The following RALGDS variants were observed in gnomAD, a reference collection of about 807,000 sequenced individuals.
RALGDS encodes ral guanine nucleotide exchange factor.
In RALGDS, 44 loss-of-function variants were observed where a neutral mutation model predicts 99.8. That is an observed-to-expected ratio of 0.44 (90% CI 0.35 to 0.57). The LOEUF is 0.57. RALGDS is among the 20% of genes least tolerant of loss of function. The probability of loss-of-function intolerance (pLI) is 0.01; values close to 1 mark genes in which losing one functional copy is unlikely to be tolerated. For missense variants in RALGDS, 1,022 were observed against 1,203.1 expected, an observed-to-expected ratio of 0.85 and a Z score of 2.23; for synonymous variants, 529 against 505.0, an observed-to-expected ratio of 1.05 and a Z score of -0.64.
chr9:133,106,883 C>CGG lies in RALGDS; in HGVS notation c.1414-137_1414-136dup. The stretch of plus-strand genomic sequence containing the variant: ...GTCCCCAGAGGGCACGCCTGCGACC[C>CGG]GGGGGTGACAGGAGGATTTTAGCTC... On this transcript the variant is annotated intron_variant, in intron 7 of 17. Transcript: ENST00000372050. 5 of 913,798 alleles carry CGG rather than the reference C, an allele frequency of 5.5e-6. No individual in the cohort carries two copies. The South Asian group carries it at 7.2e-5, about 13-fold the overall frequency. 56.6% of individuals were successfully genotyped at this position (913,798 alleles called of 1,614,324 possible).
chr9:133,102,259 C>T (rs1830792452), intron 14 of RALGDS, 120 bp from the exon 15 acceptor site: 2 of 1,183,876 alleles, frequency 1.7e-6, no homozygotes, highest in Non-Finnish European at 2.4e-6. Context: ...GTACTCCATT[C>T]ACCACAGCCA....
At chr9:133,117,357 CTT>C (rs1034372094) in intron 1 of RALGDS, among the ~76,000 whole-genome samples, 2 of 152,232 alleles carry the variant, frequency 1.3e-5, no homozygotes, top group African/African-American at 2.4e-5. Flanking sequence ...GCATAGCTCT[CTT>C]CTCTCCAGAG....
At chr9:133,123,179 C>T (rs368211605), upstream of RALGDS, among the ~76,000 whole-genome samples, 5 of 152,134 alleles carry the variant, frequency 3.3e-5, no homozygotes, top group African/African-American at 9.7e-5. Context: ...ACACTGCCCT[C>T]GGCCCTAAGC....
chr9:133,122,223 GAGGA>G (rs542000655), upstream of RALGDS, among the ~76,000 whole-genome samples: 114 of 152,352 alleles, frequency 7.5e-4, 2 homozygotes, highest in Admixed American at 4.4e-3. Context: ...GGAAGCCAGT[GAGGA>G]AGGAAGACAG....
intron 9 of RALGDS, 113 bp from the exon 10 acceptor site, chr9:133,104,444 T>A: frequency 3.1e-6 from 3 of 976,980 alleles, no homozygotes; most frequent in Non-Finnish European, 4.9e-6. Context: ...GTATCAATAC[T>A]CACTAGTGTG....
Position 133,108,033 on chromosome 9 carries a change from C to T in RALGDS, c.1152G>A (p.Val384=). 1 of 1,613,526 alleles carries T rather than the reference C, an allele frequency of 6.2e-7. No homozygotes were observed. The change falls in exon 6 of 18, where the codon GTG becomes GTA. Residue 384 remains valine, a synonymous_variant. Coordinates refer to ENST00000372050, the MANE Select transcript of RALGDS (RefSeq NM_006266.4). ...GLSEEKPHLL[V]FPPDLVAEQF... is the part of the protein sequence containing the mutation. The stretch of plus-strand genomic sequence containing the variant: ...GCTCTGCCACCAGATCTGGAGGGAA[C>T]ACCAAGAGGTGAGGCTTCTCCTCAC...
intron 1 of RALGDS, among the ~76,000 whole-genome samples, chr9:133,118,216 C>T (rs1444409802): frequency 6.6e-6 from 1 of 152,206 alleles, no homozygotes; most frequent in East Asian, 1.9e-4. Flanking sequence ...CATGCAGGGA[C>T]ACACACCCAC....
chr9:133,132,643 C>CT (rs374598703), upstream of RALGDS, among the ~76,000 whole-genome samples: 2,757 of 148,528 alleles, frequency 0.019, 79 homozygotes, highest in African/African-American at 0.061. Flanking sequence ...TTCTTTTTTT[C>CT]TTTTTTTTTT....
At position 133,098,603 on chromosome 9, in the gene RALGDS, G is replaced by T; in HGVS notation, c.2729C>A (p.Ala910Asp). The change falls in exon 18 of 18, where the codon GCC becomes GAC. Residue 910 changes from alanine (A) to aspartate (D), a missense_variant. Ala to Asp is a moderately radical substitution (Grantham distance 126, BLOSUM62 -2). Coordinates refer to ENST00000372050, the MANE Select transcript of RALGDS (RefSeq NM_006266.4). ...PRMKQKGLKI[A>D]KGIF ...AGGATGCCCTCAGAAGATGCCCTTG[G>T]CAATCTTGAGTCCTTTCTGCTTCAT... 6.2e-7 allele frequency: 1 copy of T among 1,614,146 alleles called. No individual in the cohort carries two copies. The highest frequency in any genetic ancestry group is 8.5e-7 in the Non-Finnish European group (1 of 1,180,022).
chr9:133,132,100 G>A (rs1832343931), upstream of RALGDS, among the ~76,000 whole-genome samples: 1 of 152,214 alleles, frequency 6.6e-6, no homozygotes, highest in African/African-American at 2.4e-5. Flanking sequence ...ATGGCAGTCC[G>A]GGGTCTGCCC....
intron 9 of RALGDS, 36 bp downstream of exon 9, chr9:133,105,896 C>CCA (rs1564232288): frequency 1.6e-5 from 1 of 64,464 alleles, no homozygotes; most frequent in African/African-American, 7.4e-5. Flanking sequence ...CCCCAGCCCC[C>CCA]GCCCCAGCCC....
chr9:133,116,083 C>T (rs575480082), intron 1 of RALGDS, among the ~76,000 whole-genome samples: 8 of 152,358 alleles, frequency 5.3e-5, no homozygotes, highest in African/African-American at 1.9e-4. Context: ...CTTCTCAAGT[C>T]ATGAGCTCGG....
Position 133,108,351 on chromosome 9 carries a change from T to C in RALGDS, c.834A>G (p.Thr278=). The C allele has an allele frequency of 1.3e-6, 2 of 1,540,274 alleles. No individual in the cohort carries two copies. The highest frequency in any genetic ancestry group is 8.7e-7 in the Non-Finnish European group (1 of 1,146,890). ...GCACTGGGCTGGGTGCTCGAGCTGGTGTTAGAGCTAGCTCGAGCTCTGGAG... is the reference window on the plus strand; with the variant it reads ...GCACTGGGCTGGGTGCTCGAGCTGGCGTTAGAGCTAGCTCGAGCTCTGGAG... ...KPTPELELAL[T]PARAPSPVPA... The change falls in exon 6 of 18, where the codon ACA becomes ACG. Residue 278 remains threonine, a synonymous_variant. Transcript: ENST00000372050.
chr9:133,112,276 T>C (rs888687132), intron 1 of RALGDS, 124 bp from the exon 2 acceptor site: 6 of 703,148 alleles, frequency 8.5e-6, no homozygotes, highest in Non-Finnish European at 1.5e-5. Flanking sequence ...TGCACAGACC[T>C]ACAGCCTGGG....
chr9:133,119,081 G>A (rs1392061095), intron 1 of RALGDS, among the ~76,000 whole-genome samples: 6 of 152,236 alleles, frequency 3.9e-5, no homozygotes, highest in African/African-American at 9.6e-5. Context: ...GCTTAGAATC[G>A]GGAAGATAAG....
At chr9:133,136,719 C>A (rs1056649020) in intron 1 of RALGDS, among the ~76,000 whole-genome samples, 1 of 151,936 alleles carries the variant, frequency 6.6e-6, no homozygotes, top group African/African-American at 2.4e-5. Flanking sequence ...TTGCAGTGAC[C>A]AAGATCGTGC....
upstream of RALGDS, among the ~76,000 whole-genome samples, chr9:133,124,103 CACACAGACACACACATAGAGACAGAG>C (rs1832068883): frequency 1.6e-5 from 2 of 125,110 alleles, no homozygotes; most frequent in Non-Finnish European, 3.5e-5. Flanking sequence ...CAGAGATGCA[CACACAGACACACACATAGAGACAGAG>C]ACACAGACAC....
intron 11 of RALGDS, 136 bp from the exon 12 acceptor site, chr9:133,103,398 C>T (rs531796237): frequency 2.7e-4 from 300 of 1,118,956 alleles, no homozygotes; most frequent in Middle Eastern, 2.4e-3. Flanking sequence ...CGGTGCTGGG[C>T]ACCAGGGCAA....
At chr9:133,128,472 C>T (rs1588562876) in intron 1 of RALGDS, among the ~76,000 whole-genome samples, 2 of 151,534 alleles carry the variant, frequency 1.3e-5, no homozygotes, top group Admixed American at 1.3e-4. Context: ...GGGCACATCA[C>T]ACCCCGAGGG....
Sources: allele counts gnomAD v4.1 joint callset (sites outside exome capture counted in the v4.1 genomes callset), GRCh38; gene constraint gnomAD v4.1.1; transcripts MANE v1.5; gene names NCBI Gene and HGNC (gene_info 2026-07-23, HGNC 2026-07-21).